Variants in PLCG2 observed in about 807,000 individuals in gnomAD.
PLCG2 encodes phospholipase C gamma 2, also known as 1-phosphatidylinositol 4,5-bisphosphate phosphodiesterase gamma-2.
A neutral mutation model predicts 175.6 loss-of-function variants in PLCG2; 69 were observed. The observed-to-expected ratio is 0.39, with a 90% confidence interval of 0.32 to 0.48. The LOEUF is 0.48. Among genes scored for constraint, PLCG2 ranks in the 20% least tolerant of loss-of-function variants. The probability of loss-of-function intolerance (pLI) is 0.91; values close to 1 mark genes in which losing one functional copy is unlikely to be tolerated. For synonymous variants in PLCG2, 827 were observed against 624.0 expected, an observed-to-expected ratio of 1.33 and a Z score of -4.85; for missense variants, 1,798 against 1,650.9, an observed-to-expected ratio of 1.09 and a Z score of -1.54.
intron 8 of PLCG2, among the ~76,000 whole-genome samples, chr16:81,881,576 T>C (rs1908081315): frequency 6.6e-6 from 1 of 152,206 alleles, no homozygotes; most frequent in Non-Finnish European, 1.5e-5. Flanking sequence ...GTGAGCAACT[T>C]TTCCCTCTGT....
chr16:81,869,337 G>A (rs779469871), intron 6 of PLCG2, 39 bp downstream of exon 6: 20 of 1,410,422 alleles, frequency 1.4e-5, no homozygotes, highest in South Asian at 4.6e-5. Flanking sequence ...TTATGAATGC[G>A]GAGTGACTTA....
intron 7 of PLCG2, among the ~76,000 whole-genome samples, chr16:81,871,736 G>A (rs951390823): frequency 2.0e-5 from 3 of 152,178 alleles, no homozygotes; most frequent in East Asian, 1.9e-4. Flanking sequence ...TGATCTGACA[G>A]TGGCATCCTG....
intron 2 of PLCG2, among the ~76,000 whole-genome samples, chr16:81,760,092 C>T (rs750927894): frequency 1.3e-5 from 2 of 152,172 alleles, no homozygotes. Flanking sequence ...CGCCACTGCT[C>T]ATCTATCAGT....
intron 5 of PLCG2, among the ~76,000 whole-genome samples, chr16:81,860,163 ATTATTATTAT>A (rs1395546872): frequency 1.0e-5 from 1 of 97,026 alleles, no homozygotes; most frequent in East Asian, 2.2e-4. Flanking sequence ...TATTATTATT[ATTATTATTAT>A]TTTTTTTTTT....
intron 31 of PLCG2, among the ~76,000 whole-genome samples, chr16:81,946,520 G>C (rs1478903504): frequency 6.6e-6 from 1 of 152,050 alleles, no homozygotes; most frequent in Non-Finnish European, 1.5e-5. Context: ...GTACTTGTAA[G>C]TTCCCCATAG....
chr16:81,769,967 G>A (rs1910242593), intron 2 of PLCG2, among the ~76,000 whole-genome samples: 2 of 152,114 alleles, frequency 1.3e-5, no homozygotes, highest in Admixed American at 6.6e-5. Flanking sequence ...AAGTAATGGA[G>A]CTTCCCAGTT....
In PLCG2 at chr16:81,940,103, G is replaced by A. The variant is rs1432497009; in HGVS notation, c.3481+44G>A. On this transcript the variant is annotated intron_variant, in intron 30 of 32. Coordinates refer to ENST00000564138, the MANE Select transcript of PLCG2 (RefSeq NM_002661.5). ...AAGATGTTCGATTTGGGCTGGCGTTGTACTTTGGTTTGGCTGCTGGCTTCA... is the reference window on the plus strand; with the variant it reads ...AAGATGTTCGATTTGGGCTGGCGTTATACTTTGGTTTGGCTGCTGGCTTCA... 6 of 1,533,294 alleles carry A rather than the reference G, an allele frequency of 3.9e-6. No homozygotes were observed. In the South Asian group the frequency reaches 5.6e-5, roughly 14 times the overall value. The allele number at this position is 1,533,294 out of a possible 1,614,324, so 95.0% of individuals were successfully genotyped here.
At chr16:81,747,419 C>G (rs1909726540) in intron 1 of PLCG2, among the ~76,000 whole-genome samples, 1 of 152,112 alleles carries the variant, frequency 6.6e-6, no homozygotes, top group Admixed American at 6.6e-5. Context: ...CCTGTAGTCC[C>G]AGCTACACGG....
In PLCG2 at chr16:81,960,743, A is replaced by T. The variant is rs960927667; in HGVS notation, c.*2745A>T. ...GTTCTAATACTTCGTATGCTTTGTG[A>T]CCTAGTTAAAATCTAAACTTAAGTC... On this transcript the variant is annotated 3_prime_UTR_variant, in exon 33 of 33. Coordinates refer to ENST00000564138, the MANE Select transcript of PLCG2 (RefSeq NM_002661.5). The T allele has an allele frequency of 8.7e-6, 2 of 229,022 alleles. No homozygotes were observed. Among genetic ancestry groups the T allele is most frequent in the Non-Finnish European group, 1.7e-5 (2 of 115,456 alleles). 14.2% of individuals were successfully genotyped at this position (229,022 alleles called of 1,614,324 possible). A position where few individuals can be genotyped will look rare whatever the true frequency, so the allele number is the denominator to read the frequency against.
intron 2 of PLCG2, among the ~76,000 whole-genome samples, chr16:81,798,085 C>T (rs1425815079): frequency 6.6e-6 from 1 of 152,138 alleles, no homozygotes; most frequent in Admixed American, 6.5e-5. Flanking sequence ...CCTGCATTGG[C>T]CTCCCAAAGT....
At chr16:81,878,097 T>A (rs1340860257) in intron 7 of PLCG2, among the ~76,000 whole-genome samples, 1 of 144,526 alleles carries the variant, frequency 6.9e-6, no homozygotes, top group African/African-American at 2.6e-5. Flanking sequence ...TTCTTCTGCC[T>A]CAGCCTCCCG....
At chr16:81,892,878 C>T (rs369650533) in intron 11 of PLCG2, among the ~76,000 whole-genome samples, 1 of 149,974 alleles carries the variant, frequency 6.7e-6, no homozygotes, top group Non-Finnish European at 1.5e-5. Flanking sequence ...GACAGAGTCT[C>T]ACTCTGTTGC....
intron 12 of PLCG2, among the ~76,000 whole-genome samples, chr16:81,895,251 T>C (rs943976521): frequency 1.4e-4 from 22 of 152,310 alleles, no homozygotes; most frequent in African/African-American, 5.1e-4. Flanking sequence ...AAACACGTGG[T>C]AAAATCTTCT....
intron 31 of PLCG2, among the ~76,000 whole-genome samples, chr16:81,955,762 G>A (rs573467786): frequency 6.6e-6 from 1 of 152,226 alleles, no homozygotes; most frequent in Admixed American, 6.5e-5. Context: ...GATGCGTCTA[G>A]TTGGCCTTGC....
At chr16:81,828,090 CAAAAAA>C (rs763973143) in intron 2 of PLCG2, among the ~76,000 whole-genome samples, 1 of 50,072 alleles carries the variant, frequency 2.0e-5, no homozygotes, top group African/African-American at 7.2e-5. Context: ...AACTCCGTCT[CAAAAAA>C]AAAAAAAAAA....
intron 2 of PLCG2, among the ~76,000 whole-genome samples, chr16:81,822,789 G>T (rs1241053100): frequency 9.0e-6 from 1 of 111,380 alleles, no homozygotes; most frequent in African/African-American, 3.5e-5. Flanking sequence ...AAAGAAAAAG[G>T]CAGGAGATCA....
intron 2 of PLCG2, among the ~76,000 whole-genome samples, chr16:81,770,508 T>A (rs1383664464): frequency 6.6e-6 from 1 of 151,850 alleles, no homozygotes; most frequent in Non-Finnish European, 1.5e-5. Context: ...AGCTCAGGAG[T>A]TCAGGACCAG....
At chr16:81,807,812 G>A (rs781619437) in intron 2 of PLCG2, among the ~76,000 whole-genome samples, 3 of 152,182 alleles carry the variant, frequency 2.0e-5, no homozygotes, top group Admixed American at 6.5e-5. Context: ...AGGCGGGGCT[G>A]GCATGTGACA....
intron 31 of PLCG2, among the ~76,000 whole-genome samples, chr16:81,955,288 T>C (rs11150427): frequency 0.75 from 113,626 of 152,146 alleles, 43,192 homozygotes; most frequent in South Asian, 0.83. Context: ...TCCGTGTTTT[T>C]CTAAAAGTAA....
Sources: allele counts gnomAD v4.1 joint callset (sites outside exome capture counted in the v4.1 genomes callset), GRCh38; gene constraint gnomAD v4.1.1; transcripts MANE v1.5; gene names NCBI Gene and HGNC (gene_info 2026-07-23, HGNC 2026-07-21).